Variants in BCKDHB observed in about 807,000 individuals in gnomAD.
BCKDHB encodes 2-oxoisovalerate dehydrogenase subunit beta, mitochondrial.
Under a neutral mutation model 48.5 loss-of-function variants are expected in BCKDHB, and 41 were observed. The observed-to-expected ratio is 0.85, with a 90% CI of 0.66 to 1.10. BCKDHB has a LOEUF of 1.10. BCKDHB is among the 50% of genes least tolerant of loss of function. The pLI, the probability that BCKDHB is intolerant of heterozygous loss-of-function variation, is 0.00. For synonymous variants in BCKDHB, 201 were observed against 174.8 expected (o/e 1.15, Z -1.18); for missense variants, 496 against 494.2 (o/e 1.00, Z -0.03).
intron 8 of BCKDHB, among the ~76,000 whole-genome samples, chr6:80,239,149 A>C (rs1395659777): frequency 6.6e-6 from 1 of 152,098 alleles, no homozygotes; most frequent in African/African-American, 2.4e-5. Context: ...TGGTATTTCT[A>C]GTTCTAGATC....
chr6:80,211,227 A>G (rs907667916), intron 8 of BCKDHB, among the ~76,000 whole-genome samples: 3 of 152,208 alleles, frequency 2.0e-5, no homozygotes, highest in African/African-American at 7.2e-5. Flanking sequence ...TAATTCTGAC[A>G]TGTTTAAACT....
chr6:80,276,672 C>T (rs1777980183), intron 9 of BCKDHB, among the ~76,000 whole-genome samples: 1 of 151,494 alleles, frequency 6.6e-6, no homozygotes, highest in African/African-American at 2.4e-5. Context: ...TTGTTTCATT[C>T]CTGCTACTTT....
chr6:80,191,134 T>C (rs921376515), intron 6 of BCKDHB, among the ~76,000 whole-genome samples: 5 of 152,192 alleles, frequency 3.3e-5, no homozygotes, highest in African/African-American at 9.7e-5. Flanking sequence ...TTGTAACAGA[T>C]TCCCTGAATT....
the BCKDHB span, among the ~76,000 whole-genome samples, chr6:80,376,493 C>G: frequency 6.6e-6 from 1 of 152,178 alleles, no homozygotes; most frequent in South Asian, 2.1e-4. Flanking sequence ...TCCCATGGAA[C>G]CTGCAATGGC....
intron 9 of BCKDHB, among the ~76,000 whole-genome samples, chr6:80,329,272 A>G (rs934761481): frequency 2.6e-5 from 4 of 152,132 alleles, no homozygotes; most frequent in Non-Finnish European, 5.9e-5. Context: ...GAATAAAATA[A>G]TTTTCATGAA....
At chr6:80,393,395 G>T in the BCKDHB span, among the ~76,000 whole-genome samples, 1 of 152,108 alleles carries the variant, frequency 6.6e-6, no homozygotes, top group African/African-American at 2.4e-5. Context: ...GTTCAGGAGG[G>T]TAGAGGCCTG....
the BCKDHB span, among the ~76,000 whole-genome samples, chr6:80,415,326 C>G: frequency 5.3e-5 from 8 of 151,610 alleles, no homozygotes; most frequent in Non-Finnish European, 8.9e-5. Flanking sequence ...AGAGGGCGTC[C>G]TCATCTTACC....
intron 6 of BCKDHB, among the ~76,000 whole-genome samples, chr6:80,197,932 G>GTTCA (rs770079986): frequency 3.8e-4 from 50 of 130,702 alleles, no homozygotes; most frequent in African/African-American, 1.2e-3. Flanking sequence ...CTATCCATCT[G>GTTCA]TTCATCCATC....
At chr6:80,342,029 T>G (rs971460028) in intron 9 of BCKDHB, among the ~76,000 whole-genome samples, 7 of 152,286 alleles carry the variant, frequency 4.6e-5, no homozygotes, top group Middle Eastern at 3.4e-3. Context: ...CAACACTTAT[T>G]TGGTGTTTGA....
chr6:80,254,679 G>A (rs1355403591), intron 8 of BCKDHB, among the ~76,000 whole-genome samples: 1 of 152,100 alleles, frequency 6.6e-6, no homozygotes, highest in Non-Finnish European at 1.5e-5. Flanking sequence ...CAGGCAGACT[G>A]ACAGAGTAAA....
intron 4 of BCKDHB, among the ~76,000 whole-genome samples, 164 bp from the exon 5 acceptor site, chr6:80,168,711 G>C (rs1772714738): frequency 7.2e-6 from 1 of 139,272 alleles, no homozygotes; most frequent in African/African-American, 2.7e-5. Context: ...AGGCAGGCAG[G>C]CAGGAAGGAA....
Position 80,262,925 on chromosome 6 carries a change from A to G in BCKDHB, c.952-10210A>G, listed in dbSNP as rs551850052. 6.6e-5 allele frequency among the ~76,000 whole-genome samples: 10 copies of G among 152,356 alleles called. No homozygotes were observed. In the South Asian group the frequency reaches 2.1e-3, roughly 32 times the overall value. ...TACTGTTATAGTCCTTGTCAATGAA[A>G]GCATTGCAGAATAAAGAATTGTAAA... is the stretch of plus-strand genomic sequence containing the variant. On this transcript the variant is annotated intron_variant, in intron 8 of 9. Coordinates refer to ENST00000320393, the MANE Select transcript of BCKDHB (RefSeq NM_183050.4).
At chr6:80,234,452 A>G (rs1776063274) in intron 8 of BCKDHB, among the ~76,000 whole-genome samples, 1 of 152,158 alleles carries the variant, frequency 6.6e-6, no homozygotes. Context: ...AGATTGGGAT[A>G]AAGGTTTTGA....
the BCKDHB span, among the ~76,000 whole-genome samples, chr6:80,393,805 C>G: frequency 1.3e-5 from 2 of 152,180 alleles, no homozygotes; most frequent in East Asian, 3.9e-4. Context: ...CGTTGAACCA[C>G]TTCTTTCCTG....
At chr6:80,234,860 C>T (rs935101586) in intron 8 of BCKDHB, among the ~76,000 whole-genome samples, 15 of 151,956 alleles carry the variant, frequency 9.9e-5, no homozygotes, top group Middle Eastern at 3.4e-3. Flanking sequence ...TATTATTCAG[C>T]CATAGAAAAG....
rs988026264 is a variant in BCKDHB at position 80,291,202 on chromosome 6, C to G, written c.1038+17981C>G. Among the ~76,000 whole-genome samples, 4 of 152,076 alleles carry G rather than the reference C, an allele frequency of 2.6e-5. No homozygotes were observed. In the East Asian group the frequency reaches 7.7e-4, roughly 29 times the overall value. ...GTTCAAACGCCTTTGACATTTCTCCCCTCCCTTAAAAGAACCCTTAATCTT... is the reference window on the plus strand; with the variant it reads ...GTTCAAACGCCTTTGACATTTCTCCGCTCCCTTAAAAGAACCCTTAATCTT... On this transcript the variant is annotated intron_variant, in intron 9 of 9. Coordinates refer to ENST00000320393, the MANE Select transcript of BCKDHB (RefSeq NM_183050.4).
chr6:80,326,002 G>A (rs1769013832), intron 9 of BCKDHB, among the ~76,000 whole-genome samples: 1 of 152,110 alleles, frequency 6.6e-6, no homozygotes, highest in African/African-American at 2.4e-5. Flanking sequence ...GGACATTAGA[G>A]CAAAACCGAG....
chr6:80,414,550 G>T, the BCKDHB span, among the ~76,000 whole-genome samples: 1 of 152,014 alleles, frequency 6.6e-6, no homozygotes, highest in Non-Finnish European at 1.5e-5. Flanking sequence ...GCTTGTATTT[G>T]TCAAAGATCA....
chr6:80,167,666 T>C lies in BCKDHB; in HGVS notation c.344-12T>C. ...TTTGCCACATTAACCTTTTTTTCTT[T>C]TCTATTTTAAGGAAAAGATAGAGTT... is the stretch of plus-strand genomic sequence containing the variant. On this transcript the variant is annotated splice_polypyrimidine_tract_variant and intron_variant, in intron 3 of 9. Coordinates refer to ENST00000320393, the MANE Select transcript of BCKDHB (RefSeq NM_183050.4). 6.2e-7 allele frequency: 1 copy of C among 1,600,704 alleles called. No homozygotes were observed. The highest frequency in any genetic ancestry group is 8.6e-7 in the Non-Finnish European group (1 of 1,168,016).
Sources: gnomAD v4.1 joint callset for allele counts (sites outside exome capture counted in the v4.1 genomes callset) on GRCh38, gnomAD v4.1.1 for gene constraint, MANE v1.5 for transcripts, NCBI Gene and HGNC (gene_info 2026-07-23, HGNC 2026-07-21) for gene names.